Variants in FBXL17 observed in about 807,000 individuals in gnomAD.
FBXL17 encodes F-box/LRR-repeat protein 17.
FBXL17 carries 22 observed loss-of-function variants against 66.2 expected under a neutral mutation model. That is an observed-to-expected ratio of 0.33 (90% CI 0.24 to 0.47). The LOEUF is 0.47. FBXL17 is among the 20% of genes least tolerant of loss of function. The probability of loss-of-function intolerance (pLI) is 1.00; values close to 1 mark genes in which losing one functional copy is unlikely to be tolerated. For missense variants in FBXL17, 878 were observed against 948.2 expected (o/e 0.93, Z 0.97); for synonymous variants, 474 against 400.5 (o/e 1.18, Z -2.19).
chr5:108,129,708 C>T (rs569852647), intron 6 of FBXL17, among the ~76,000 whole-genome samples: 1 of 151,960 alleles, frequency 6.6e-6, no homozygotes, highest in African/African-American at 2.4e-5. Context: ...TTCCTTATAG[C>T]AGTAATTCAT....
intron 6 of FBXL17, among the ~76,000 whole-genome samples, chr5:108,172,095 A>T (rs1368869625): frequency 1.3e-5 from 2 of 152,196 alleles, no homozygotes; most frequent in African/African-American, 4.8e-5. Context: ...CCCCAACAGC[A>T]GCGTGAAAAC....
intron 4 of FBXL17, among the ~76,000 whole-genome samples, chr5:108,240,801 T>C (rs1469188768): frequency 1.3e-5 from 2 of 152,272 alleles, no homozygotes; most frequent in Non-Finnish European, 1.5e-5. Context: ...ACAGTCCCAA[T>C]GGTGGTGGTC....
At chr5:107,917,757 C>T (rs901540279) in intron 7 of FBXL17, among the ~76,000 whole-genome samples, 8 of 152,252 alleles carry the variant, frequency 5.3e-5, no homozygotes, top group African/African-American at 1.9e-4. Context: ...GAACCAGTTC[C>T]GTTTTAAGTG....
chr5:108,095,018 C>A lies in FBXL17; in HGVS notation c.1746-74017G>T, dbSNP rs560054088. Among the ~76,000 whole-genome samples, 31 of 151,988 alleles carry A rather than the reference C, an allele frequency of 2.0e-4. 1 individual carries two copies. Among genetic ancestry groups the A allele is most frequent in the Admixed American group, 1.8e-3 (28 of 15,264 alleles). ...CTGAGGAAAAAACTTGCTTCTCTGG[C>A]CAAATATGATAAGTGATATATTTAG... On this transcript the variant is annotated intron_variant, in intron 6 of 8. Coordinates refer to ENST00000542267, the MANE Select transcript of FBXL17 (RefSeq NM_001163315.3).
At chr5:108,282,355 G>T (rs745772555) in intron 4 of FBXL17, among the ~76,000 whole-genome samples, 6 of 151,786 alleles carry the variant, frequency 4.0e-5, no homozygotes, top group Non-Finnish European at 8.9e-5. Flanking sequence ...TGCAAGGATG[G>T]TTCAACATTT....
chr5:108,007,029 T>C (rs1252607899), intron 7 of FBXL17, among the ~76,000 whole-genome samples: 1 of 152,220 alleles, frequency 6.6e-6, no homozygotes, highest in Non-Finnish European at 1.5e-5. Flanking sequence ...TTATATTTAG[T>C]GCTGCCAGAT....
At chr5:108,377,015 G>C (rs368310329) in intron 1 of FBXL17, among the ~76,000 whole-genome samples, 1 of 152,108 alleles carries the variant, frequency 6.6e-6, no homozygotes, top group Non-Finnish European at 1.5e-5. Flanking sequence ...CATCTGTTCA[G>C]ATTTTAATTC....
intron 7 of FBXL17, among the ~76,000 whole-genome samples, chr5:107,973,912 T>C (rs892817105): frequency 1.3e-5 from 2 of 151,800 alleles, no homozygotes; most frequent in African/African-American, 4.9e-5. Context: ...TATTTAGTGA[T>C]AAAGAGTAGC....
intron 7 of FBXL17, among the ~76,000 whole-genome samples, chr5:108,012,946 C>T (rs10440792): frequency 0.14 from 19,852 of 139,906 alleles, 1,439 homozygotes; most frequent in Admixed American, 0.19. Context: ...ACCTGGGAGG[C>T]GGAGGTTGCG....
At chr5:108,146,201 C>T (rs1001066556) in intron 6 of FBXL17, among the ~76,000 whole-genome samples, 4 of 150,568 alleles carry the variant, frequency 2.7e-5, no homozygotes, top group African/African-American at 9.8e-5. Flanking sequence ...CACTGCACTC[C>T]AGCCTGGGCG....
At chr5:108,254,201 T>C (rs1756478411) in intron 4 of FBXL17, among the ~76,000 whole-genome samples, 1 of 152,286 alleles carries the variant, frequency 6.6e-6, no homozygotes, top group Non-Finnish European at 1.5e-5. Flanking sequence ...AATGAGATAA[T>C]TATGCCTTTT....
At chr5:108,069,811 T>C (rs1748260768) in intron 6 of FBXL17, among the ~76,000 whole-genome samples, 1 of 152,234 alleles carries the variant, frequency 6.6e-6, no homozygotes, top group Admixed American at 6.5e-5. Flanking sequence ...ACCTTCCTCA[T>C]GCAGATGCCT....
At chr5:108,361,817 G>A (rs1748354356) in intron 3 of FBXL17, among the ~76,000 whole-genome samples, 2 of 152,212 alleles carry the variant, frequency 1.3e-5, no homozygotes, top group South Asian at 2.1e-4. Context: ...TAGCTCTCAG[G>A]TAGGTTGATC....
rs1749909900 is a variant in FBXL17, at chr5:108,381,413, G to A, written c.279C>T (p.Ala93=). ...GCGCCAGGTGCTGAGAGGAGGAGGC[G>A]GCAGCGTAGGCCCCGTCCCGCGGCG... ...SPPPRDGAYA[A]ASSSQHLARR... Residue 93 remains alanine, a synonymous_variant, in exon 1 of 9, where the codon GCC becomes GCT. Coordinates refer to ENST00000542267, the MANE Select transcript of FBXL17 (RefSeq NM_001163315.3). The A allele has an allele frequency of 3.0e-6, 4 of 1,324,570 alleles. No homozygotes were observed. The highest frequency in any genetic ancestry group is 4.1e-5 in the Admixed American group (1 of 24,328). The allele number at this position is 1,324,570 out of a possible 1,614,324, so 82.1% of individuals were successfully genotyped here.
intron 4 of FBXL17, among the ~76,000 whole-genome samples, chr5:108,344,789 T>G (rs1580856801): frequency 6.6e-6 from 1 of 152,216 alleles, no homozygotes; most frequent in African/African-American, 2.4e-5. Context: ...AATGACTATA[T>G]GCTCAAACTA....
intron 6 of FBXL17, among the ~76,000 whole-genome samples, chr5:108,169,520 T>A (rs865844425): frequency 6.6e-6 from 1 of 152,214 alleles, no homozygotes; most frequent in East Asian, 1.9e-4. Flanking sequence ...ATTGTCGCCA[T>A]AAGAATGTTA....
chr5:107,887,297 A>G (rs1580683408), intron 7 of FBXL17, among the ~76,000 whole-genome samples: 1 of 152,366 alleles, frequency 6.6e-6, no homozygotes, highest in Non-Finnish European at 1.5e-5. Context: ...TCTAAGTGAC[A>G]ACATTTTCAC....
At chr5:108,192,648 C>T (rs1020836920) in intron 5 of FBXL17, among the ~76,000 whole-genome samples, 1 of 151,998 alleles carries the variant, frequency 6.6e-6, no homozygotes, top group Non-Finnish European at 1.5e-5. Flanking sequence ...AAAAATTAGC[C>T]AGGCATGGTC....
chr5:108,315,663 C>T (rs113745048), intron 4 of FBXL17, among the ~76,000 whole-genome samples: 103 of 151,224 alleles, frequency 6.8e-4, no homozygotes, highest in Non-Finnish European at 1.2e-3. Context: ...AAAGCATCAA[C>T]CATATGCTTA....
Sources: gnomAD v4.1 joint callset for allele counts (sites outside exome capture counted in the v4.1 genomes callset) on GRCh38, gnomAD v4.1.1 for gene constraint, MANE v1.5 for transcripts, NCBI Gene and HGNC (gene_info 2026-07-23, HGNC 2026-07-21) for gene names.